The following FOXK2 variants were observed in gnomAD, a reference collection of about 807,000 sequenced individuals.
FOXK2 encodes forkhead box protein K2.
Under a neutral mutation model 53.3 loss-of-function variants are expected in FOXK2, and 24 were observed. That is an observed-to-expected ratio of 0.45 (90% CI 0.33 to 0.63). The LOEUF (loss-of-function observed/expected upper bound fraction) is 0.63. Ranked by LOEUF, FOXK2 falls within the 30% of genes least tolerant of loss-of-function variation. The pLI is 0.03. For missense variants in FOXK2, 952 were observed against 910.5 expected, an observed-to-expected ratio of 1.05 and a Z score of -0.59; for synonymous variants, 505 against 407.1, an observed-to-expected ratio of 1.24 and a Z score of -2.89.
chr17:82,552,910 A>C (rs1017966105), intron 1 of FOXK2, among the ~76,000 whole-genome samples: 1 of 152,122 alleles, frequency 6.6e-6, no homozygotes, highest in African/African-American at 2.4e-5. Context: ...ACGTAAAATC[A>C]CAGACTGGAA....
chr17:82,542,450 GCCA>G (rs1222639023), intron 1 of FOXK2, among the ~76,000 whole-genome samples: 1 of 152,140 alleles, frequency 6.6e-6, no homozygotes, highest in Non-Finnish European at 1.5e-5. Flanking sequence ...ACAGACGTGA[GCCA>G]CCATGCCCTT....
At chr17:82,584,884 G>A (rs538547166) in intron 6 of FOXK2, among the ~76,000 whole-genome samples, 16 of 152,348 alleles carry the variant, frequency 1.1e-4, no homozygotes, top group African/African-American at 3.4e-4. Flanking sequence ...AGGTAAAACA[G>A]TTTGCAGTTT....
Position 82,587,172 on chromosome 17 carries a change from G to A in FOXK2, c.1686G>A (p.Gln562=). 6.2e-7 allele frequency: 1 copy of A among 1,613,098 alleles called. No individual in the cohort carries two copies. The highest frequency in any genetic ancestry group is 8.5e-7 in the Non-Finnish European group (1 of 1,180,026). Reference sequence around the variant, plus strand: ...TCCAGACGGTGACCATAGTACAACAGGCACCTCTAGGTCAACACCAGCTAC... The same window carrying A: ...TCCAGACGGTGACCATAGTACAACAAGCACCTCTAGGTCAACACCAGCTAC... ...TPVQTVTIVQ[Q]APLGQHQLPI... Residue 562 remains glutamine, a synonymous_variant, in exon 8 of 9, where the codon CAG becomes CAA. Transcript: ENST00000335255.
Position 82,571,705 on chromosome 17 carries a change from G to T in FOXK2, c.763-19G>T, listed in dbSNP as rs759851066. ...ATGGTAACTTCAATATTCGTTTTGT[G>T]TTTGTTTTTTAAATACAGGATGATT... On this transcript the variant is annotated intron_variant, in intron 3 of 8. Coordinates refer to ENST00000335255, the MANE Select transcript of FOXK2 (RefSeq NM_004514.4). The T allele has an allele frequency of 2.7e-6, 4 of 1,497,336 alleles. No individual in the cohort carries two copies. In the African/African-American group the frequency reaches 5.8e-5, roughly 22 times the overall value. 92.8% of individuals were successfully genotyped at this position (1,497,336 alleles called of 1,614,324 possible).
At chr17:82,538,079 T>C (rs2044538547) in intron 1 of FOXK2, among the ~76,000 whole-genome samples, 2 of 151,346 alleles carry the variant, frequency 1.3e-5, no homozygotes, top group African/African-American at 2.4e-5. Context: ...AAAAATTAGC[T>C]GGGCATGATG....
chr17:82,553,831 A>G (rs899005683), intron 1 of FOXK2, among the ~76,000 whole-genome samples: 1 of 151,712 alleles, frequency 6.6e-6, no homozygotes, highest in East Asian at 1.9e-4. Context: ...GCTGCTTTCA[A>G]GTACTTTTTT....
chr17:82,521,287 C>T (rs1422056632), intron 1 of FOXK2, among the ~76,000 whole-genome samples: 2 of 152,102 alleles, frequency 1.3e-5, no homozygotes, highest in Non-Finnish European at 2.9e-5. Context: ...GTTCTCCTGC[C>T]CCAGCCTCCC....
intron 7 of FOXK2, among the ~76,000 whole-genome samples, chr17:82,586,852 G>T (rs2143129791): frequency 6.6e-6 from 1 of 152,218 alleles, no homozygotes; most frequent in African/African-American, 2.4e-5. Context: ...AGTGAGCTGA[G>T]ATTGCGCCAT....
intron 8 of FOXK2, among the ~76,000 whole-genome samples, chr17:82,592,485 G>C (rs2045262217): frequency 6.6e-6 from 1 of 152,182 alleles, no homozygotes; most frequent in African/African-American, 2.4e-5. Flanking sequence ...GCCCTTCACG[G>C]GGCCACTCCC....
intron 5 of FOXK2, among the ~76,000 whole-genome samples, chr17:82,583,706 T>C (rs2045095583): frequency 6.6e-6 from 1 of 152,020 alleles, no homozygotes; most frequent in Admixed American, 6.5e-5. Flanking sequence ...ACGGACCTGC[T>C]CGCTGCCGGC....
Position 82,585,961 on chromosome 17 carries a change from C to A in FOXK2, c.1337C>A (p.Ala446Asp). The A allele has an allele frequency of 5.0e-6, 8 of 1,612,774 alleles. No homozygotes were observed. Among genetic ancestry groups the A allele is most frequent in the Non-Finnish European group, 6.8e-6 (8 of 1,179,934 alleles). The change falls in exon 7 of 9, where the codon GCC (alanine) becomes GAC (aspartate). Residue 446 changes from alanine to aspartate, a missense_variant. By Grantham distance (126) the Ala-to-Asp change is moderately radical. Coordinates refer to ENST00000335255, the MANE Select transcript of FOXK2 (RefSeq NM_004514.4). ...LITVQRQLPQAIKPVTYTVAT... is the reference protein window; with the variant it reads ...LITVQRQLPQDIKPVTYTVAT... Reference sequence around the variant, plus strand: ...ACCGTCCAGCGGCAGCTACCACAGGCCATCAAGCCTGTCACCTACACTGTG... The same window carrying A: ...ACCGTCCAGCGGCAGCTACCACAGGACATCAAGCCTGTCACCTACACTGTG...
At chr17:82,539,472 C>A (rs1235872280) in intron 1 of FOXK2, among the ~76,000 whole-genome samples, 1 of 151,618 alleles carries the variant, frequency 6.6e-6, no homozygotes, top group Non-Finnish European at 1.5e-5. Context: ...CATAGATGGA[C>A]CCTGTCTCTA....
intron 1 of FOXK2, among the ~76,000 whole-genome samples, chr17:82,537,444 G>A (rs932175460): frequency 1.3e-5 from 2 of 151,590 alleles, no homozygotes; most frequent in African/African-American, 4.8e-5. Flanking sequence ...TCAGGAGTTT[G>A]AGACCAGCCT....
chr17:82,565,632 G>A (rs1015544147), intron 2 of FOXK2, among the ~76,000 whole-genome samples: 1 of 152,142 alleles, frequency 6.6e-6, no homozygotes, highest in Non-Finnish European at 1.5e-5. Context: ...TGGATTGGCT[G>A]CTATTAAAAA....
At chr17:82,574,062 G>T (rs2044953434) in intron 4 of FOXK2, among the ~76,000 whole-genome samples, 1 of 152,228 alleles carries the variant, frequency 6.6e-6, no homozygotes, top group South Asian at 2.1e-4. Flanking sequence ...TCTATTGCAG[G>T]TGCCTGCACA....
At chr17:82,583,863 T>G (rs2045098259) in intron 5 of FOXK2, 150 bp from the exon 6 acceptor site, 1 of 773,354 alleles carries the variant, frequency 1.3e-6, no homozygotes, top group Non-Finnish European at 2.0e-6. Flanking sequence ...TTCACAGGCG[T>G]AGGCGTGCAG....
chr17:82,587,126 A>G lies in FOXK2; in HGVS notation c.1640A>G (p.Gln547Arg). The G allele has an allele frequency of 5.0e-6, 8 of 1,613,138 alleles. No homozygotes were observed. The highest frequency in any genetic ancestry group is 6.8e-6 in the Non-Finnish European group (8 of 1,180,036). ...CTCGGCACTGCCAGCCGGATCATTC[A>G]GACGGCACAGACCACCCCGGTCCAG... ...ATLGTASRII[Q>R]TAQTTPVQTV... Residue 547 changes from glutamine to arginine, a missense_variant, in exon 8 of 9, where the codon CAG (glutamine) becomes CGG (arginine). Gln to Arg is a conservative substitution (Grantham distance 43). Transcript: ENST00000335255.
chr17:82,587,338 G>C (rs572018810), intron 8 of FOXK2, 66 bp downstream of exon 8: 1 of 1,264,268 alleles, frequency 7.9e-7, no homozygotes, highest in Non-Finnish European at 1.2e-6. Context: ...CTTCTCACTC[G>C]TGGTTTCGGT....
intron 2 of FOXK2, among the ~76,000 whole-genome samples, chr17:82,565,708 A>G (rs571560224): frequency 8.4e-4 from 128 of 152,342 alleles, no homozygotes; most frequent in African/African-American, 3.0e-3. Flanking sequence ...TGCTGTTGCA[A>G]GGAATGCCAA....
Sources: allele counts gnomAD v4.1 joint callset (sites outside exome capture counted in the v4.1 genomes callset), GRCh38; gene constraint gnomAD v4.1.1; transcripts MANE v1.5; gene names NCBI Gene and HGNC (gene_info 2026-07-23, HGNC 2026-07-21).